The following LTK variants were observed in gnomAD, a reference collection of about 807,000 sequenced individuals.
LTK encodes leukocyte receptor tyrosine kinase.
In LTK, 117 loss-of-function variants were observed where a neutral mutation model predicts 101.5. The observed-to-expected ratio is 1.15, with a 90% CI of 0.99 to 1.34. LTK has a LOEUF of 1.34. LTK is among the 40% of genes most tolerant of loss of function. The pLI, the probability that LTK is intolerant of heterozygous loss-of-function variation, is 0.00. For synonymous variants in LTK, 563 were observed against 494.2 expected (o/e 1.14, Z -1.85); for missense variants, 1,252 against 1,164.7 (o/e 1.07, Z -1.09).
chr15:41,504,464 T>G, intron 18 of LTK, 32 bp from the exon 19 acceptor site: 1 of 1,613,894 alleles, frequency 6.2e-7, no homozygotes, highest in Non-Finnish European at 8.5e-7. Context: ...TGCCCACCCA[T>G]GGTTGTGAAG....
At position 41,511,083 on chromosome 15, in the gene LTK, G is replaced by C. The variant is rs1177660087; in HGVS notation, c.997+81C>G. 2 of 1,290,738 alleles carry C rather than the reference G, an allele frequency of 1.5e-6. No homozygotes were observed. The highest frequency in any genetic ancestry group is 3.1e-5 in the African/African-American group (2 of 64,750). 80.0% of individuals were successfully genotyped at this position (1,290,738 alleles called of 1,614,324 possible). On this transcript the variant is annotated intron_variant, in intron 7 of 19. Transcript: ENST00000263800. The surrounding 1 kb of genome is among the most constrained non-coding windows in gnomAD (Gnocchi z 5.9). ...ATGCCTCTCCCACACCTATCCTCCCGAGGGCTCCGGCCTGTACTTAGGTTC... is the reference window on the plus strand; with the variant it reads ...ATGCCTCTCCCACACCTATCCTCCCCAGGGCTCCGGCCTGTACTTAGGTTC...
At position 41,511,173 on chromosome 15, in the gene LTK, C is replaced by T. The variant is rs760372746; in HGVS notation, c.988G>A (p.Gly330Ser). The T allele has an allele frequency of 1.4e-5, 20 of 1,388,626 alleles. No individual in the cohort carries two copies. In the South Asian group the frequency reaches 3.4e-4, roughly 24 times the overall value. 86.0% of individuals were successfully genotyped at this position (1,388,626 alleles called of 1,614,324 possible). Residue 330 changes from glycine (G) to serine (S), a missense_variant, in exon 7 of 20, where the codon GGC becomes AGC. By Grantham distance (56) the Gly-to-Ser change is moderately conservative (BLOSUM62 0). Coordinates refer to ENST00000263800, the MANE Select transcript of LTK (RefSeq NM_002344.6). The surrounding 1 kb of genome is among the most constrained non-coding windows in gnomAD (Gnocchi z 5.9). ...GACTAGGGGGGYRGGDASETD... is the reference protein window; with the variant it reads ...GACTAGGGGGSYRGGDASETD... ...CCAACGGTGCACCTACCCCTGTAGC[C>T]GCCGCCGCCTCCGCCCGCAGTGCAG... is the stretch of plus-strand genomic sequence containing the variant.
In LTK at chr15:41,505,518, A is replaced by G; in HGVS notation, c.1710T>C (p.His570=). 1 of 1,613,942 alleles carries G rather than the reference A, an allele frequency of 6.2e-7. No homozygotes were observed. The highest frequency in any genetic ancestry group is 1.1e-5 in the South Asian group (1 of 91,056). Residue 570 remains histidine, a synonymous_variant, in exon 14 of 20, where the codon CAT becomes CAC. Transcript: ENST00000263800. Reference sequence around the variant, plus strand: ...GCCCCACACACCGCACAATGTTCTGATGGCGAAACTTGCTGAGTGGGGTGG... The same window carrying G: ...GCCCCACACACCGCACAATGTTCTGGTGGCGAAACTTGCTGAGTGGGGTGG... ...MEALIISKFR[H]QNIVRCVGLS... is the part of the protein sequence containing the mutation.
rs887754576 is a variant in LTK at position 41,504,616 on chromosome 15, C to T, written c.2145G>A (p.Glu715=). 4.3e-6 allele frequency: 7 copies of T among 1,613,316 alleles called. No individual in the cohort carries two copies. Among genetic ancestry groups the T allele is most frequent in the African/African-American group, 4.0e-5 (3 of 74,936 alleles). The change falls in exon 18 of 20, where the codon GAG becomes GAA. Residue 715 remains glutamate, a synonymous_variant. Transcript: ENST00000263800. ...DSWSFGVLLW[E]IFSLGYMPYP... is the part of the protein sequence containing the mutation. ...AGGGCATGTAGCCCAGTGAGAAGATCTCCCAGAGCAGCACCCCAAAAGACC... is the reference window on the plus strand; with the variant it reads ...AGGGCATGTAGCCCAGTGAGAAGATTTCCCAGAGCAGCACCCCAAAAGACC...
rs2051217987 is a variant in LTK, at chr15:41,505,057, C to T, written c.1933G>A (p.Ala645Thr). 2 of 1,612,664 alleles carry T rather than the reference C, an allele frequency of 1.2e-6. No homozygotes were observed. The highest frequency in any genetic ancestry group is 1.7e-6 in the Non-Finnish European group (2 of 1,179,288). The change falls in exon 16 of 20, where the codon GCC (alanine) becomes ACC (threonine). Residue 645 changes from alanine (A) to threonine (T), a missense_variant. Coordinates refer to ENST00000263800, the MANE Select transcript of LTK (RefSeq NM_002344.6). ...CAGCTCAGCAGGCAGTTCCGGGCGG[C>T]AATATCCCTACAGAGTAGGCAAAAA... ...EENHFIHRDI[A>T]ARNCLLSCAG...
Position 41,511,279 on chromosome 15 carries a change from C to T in LTK, c.882G>A (p.Ala294=). The change falls in exon 7 of 20, where the codon GCG becomes GCA. Residue 294 remains alanine, a synonymous_variant. Transcript: ENST00000263800. This position sits in a 1 kb window ranked among gnomAD's most constrained non-coding sequence, Gnocchi z 5.9. The part of the protein sequence containing the change: ...PQAGRSLQEG[A]EGGQGCSEAW... ...CCTCGGAGCAGCCCTGGCCGCCCTCCGCCCCCTCCTGCAGTGAGCGGCCGG... is the reference window on the plus strand; with the variant it reads ...CCTCGGAGCAGCCCTGGCCGCCCTCTGCCCCCTCCTGCAGTGAGCGGCCGG... The T allele has an allele frequency of 7.0e-7, 1 of 1,418,806 alleles. No homozygotes were observed. The highest frequency in any genetic ancestry group is 9.2e-7 in the Non-Finnish European group (1 of 1,091,464). The allele number at this position is 1,418,806 out of a possible 1,614,324, so 87.9% of individuals were successfully genotyped here.
chr15:41,507,090 C>T lies in LTK; in HGVS notation c.1541+5G>A. ...TAGGTTCTCAGAAGGAGGCAGAAGA[C>T]TTACCTGAGCAGAGTAACATTGGCT... On this transcript the variant is annotated splice_donor_5th_base_variant and intron_variant, in intron 11 of 19. Coordinates refer to ENST00000263800, the MANE Select transcript of LTK (RefSeq NM_002344.6). The T allele has an allele frequency of 1.2e-6, 2 of 1,610,518 alleles. No individual in the cohort carries two copies. The highest frequency in any genetic ancestry group is 8.5e-7 in the Non-Finnish European group (1 of 1,179,010).
rs780744214 is a variant in LTK, at chr15:41,504,370, A to G, written c.2318T>C (p.Ile773Thr). Residue 773 changes from isoleucine to threonine, a missense_variant, in exon 19 of 20, where the codon ATC (isoleucine) becomes ACC (threonine). Ile to Thr is a moderately conservative substitution (Grantham distance 89, BLOSUM62 -1). Coordinates refer to ENST00000263800, the MANE Select transcript of LTK (RefSeq NM_002344.6). ...AGTGCAGTACTGCAGACGCTCCAAG[A>G]TGCTGGCAAAGCTAGGGCGGAGCTC... Reference protein sequence around the residue: ...EPELRPSFASILERLQYCTQD... With the variant: ...EPELRPSFASTLERLQYCTQD... 2 of 1,614,122 alleles carry G rather than the reference A, an allele frequency of 1.2e-6. No individual in the cohort carries two copies. Among genetic ancestry groups the G allele is most frequent in the Non-Finnish European group, 1.7e-6 (2 of 1,180,004 alleles).
rs1000070402 is a variant in LTK at position 41,504,249 on chromosome 15, A to G, written c.2347-5T>C. ...TGAATTCAGCACATCCGGGTCCTGT[A>G]ATGGAAGAGTCAGGGAGCAGGGGGG... On this transcript the variant is annotated splice_polypyrimidine_tract_variant and splice_region_variant and intron_variant, in intron 19 of 19. Coordinates refer to ENST00000263800, the MANE Select transcript of LTK (RefSeq NM_002344.6). 3.1e-6 allele frequency: 5 copies of G among 1,606,862 alleles called. No homozygotes were observed. The African/African-American group carries it at 5.3e-5, about 17-fold the overall frequency.
In LTK at chr15:41,512,049, C is replaced by T. The variant is rs1327777064; in HGVS notation, c.510+66G>A. On this transcript the variant is annotated intron_variant, in intron 4 of 19. Coordinates refer to ENST00000263800, the MANE Select transcript of LTK (RefSeq NM_002344.6). The stretch of plus-strand genomic sequence containing the variant: ...ACCCGGCACCGAGGAAAGCACGCTC[C>T]CCCGGCCCCCAGGCAGCCCTCGCCC... 9 of 1,497,752 alleles carry T rather than the reference C, an allele frequency of 6.0e-6. No individual in the cohort carries two copies. The East Asian group carries it at 2.0e-4, about 33-fold the overall frequency. The allele number at this position is 1,497,752 out of a possible 1,614,324, so 92.8% of individuals were successfully genotyped here.
intron 9 of LTK, 81 bp downstream of exon 9, chr15:41,507,988 A>G: frequency 7.0e-7 from 1 of 1,438,846 alleles, no homozygotes; most frequent in Non-Finnish European, 9.3e-7. Flanking sequence ...GCAAATCTCT[A>G]TACCATCTTT....
chr15:41,507,141 G>T lies in LTK; in HGVS notation c.1495C>A (p.Pro499Thr), dbSNP rs1465780839. Residue 499 changes from proline (P) to threonine (T), a missense_variant, in exon 11 of 20, where the codon CCA becomes ACA. Coordinates refer to ENST00000263800, the MANE Select transcript of LTK (RefSeq NM_002344.6). ...GLGPAQSWPLPPGVTEVSPAN... is the reference protein window; with the variant it reads ...GLGPAQSWPLTPGVTEVSPAN... ...GGGGAAACCTCGGTGACACCTGGTG[G>T]CAGAGGCCAGGACTGGGCCGGGCCA... 1.9e-6 allele frequency: 3 copies of T among 1,613,502 alleles called. No homozygotes were observed. In the South Asian group the frequency reaches 3.3e-5, roughly 18 times the overall value.
chr15:41,509,424 C>T (rs1038488137), intron 7 of LTK, among the ~76,000 whole-genome samples: 1 of 152,112 alleles, frequency 6.6e-6, no homozygotes, highest in Non-Finnish European at 1.5e-5. Context: ...AGCAGTACAG[C>T]CCAGACAGGC....
intron 8 of LTK, among the ~76,000 whole-genome samples, chr15:41,508,607 A>G (rs903748231): frequency 1.4e-5 from 2 of 141,158 alleles, no homozygotes; most frequent in African/African-American, 4.9e-5. Context: ...AAATAAATAC[A>G]TGCCTTTTCC....
At position 41,507,253 on chromosome 15, in the gene LTK, C is replaced by T. The variant is rs1364769991; in HGVS notation, c.1383G>A (p.Arg461=). ...TCAGCTCAAGCTCAGGGCTCGGCAG[C>T]CTCATCTCCTGCAGGCCCTGCCACT... is the stretch of plus-strand genomic sequence containing the variant. ...QKKWQGLQEM[R]LPSPELELSK... The change falls in exon 11 of 20, where the codon AGG becomes AGA. Residue 461 remains arginine, a synonymous_variant. Transcript: ENST00000263800. The T allele has an allele frequency of 6.2e-7, 1 of 1,607,580 alleles. No homozygotes were observed. Among genetic ancestry groups the T allele is most frequent in the South Asian group, 1.1e-5 (1 of 90,684 alleles).
chr15:41,510,207 C>T (rs1381719562), intron 7 of LTK, among the ~76,000 whole-genome samples: 3 of 150,710 alleles, frequency 2.0e-5, no homozygotes, highest in Non-Finnish European at 4.4e-5. Context: ...GGGGTTTCAC[C>T]ATATTGGCCA....
intron 3 of LTK, 57 bp from the exon 4 acceptor site, chr15:41,512,322 G>T: frequency 1.3e-6 from 2 of 1,562,492 alleles, no homozygotes; most frequent in Admixed American, 2.0e-5. Context: ...GCCGCTCCGG[G>T]CAGAAGTTGG....
In LTK at chr15:41,511,183, TCCGCCCGCAGTGCAGGCCCCGCCG is replaced by T; in HGVS notation, c.954_977del (p.Ala321_Gly328del). ...ACCTACCCCTGTAGCCGCCGCCGCC[TCCGCCCGCAGTGCAGGCCCCGCCG>T]CCGCCCCCGAAGCCGCCGGCCGCGG... is the stretch of plus-strand genomic sequence containing the variant. On this transcript the variant is annotated inframe_deletion, in exon 7 of 20. Transcript: ENST00000263800. The surrounding 1 kb of genome is among the most constrained non-coding windows in gnomAD (Gnocchi z 5.9). The T allele has an allele frequency of 7.1e-7, 1 of 1,405,772 alleles. No homozygotes were observed. The highest frequency in any genetic ancestry group is 9.2e-7 in the Non-Finnish European group (1 of 1,088,590). 87.1% of individuals were successfully genotyped at this position (1,405,772 alleles called of 1,614,324 possible).
intron 7 of LTK, among the ~76,000 whole-genome samples, chr15:41,509,814 TG>T (rs2051396521): frequency 6.6e-6 from 1 of 151,760 alleles, no homozygotes; most frequent in African/African-American, 2.4e-5. Context: ...AGCTGAGATT[TG>T]TACTACTGCA....
Sources: allele counts gnomAD v4.1 joint callset (sites outside exome capture counted in the v4.1 genomes callset), GRCh38; gene constraint gnomAD v4.1.1; non-coding constraint Gnocchi (gnomAD v3.1); transcripts MANE v1.5; gene names NCBI Gene and HGNC (gene_info 2026-07-23, HGNC 2026-07-21).